Variants in CHCHD3 observed in about 807,000 individuals in gnomAD.
The protein encoded by CHCHD3 is MICOS complex subunit MIC19.
A neutral mutation model predicts 38.2 loss-of-function variants in CHCHD3; 20 were observed. That is an observed-to-expected ratio of 0.52 (90% CI 0.37 to 0.76). The LOEUF is 0.76. Ranked by LOEUF, CHCHD3 falls within the 30% of genes least tolerant of loss-of-function variation. The probability of loss-of-function intolerance (pLI) is 0.00; values close to 1 mark genes in which losing one functional copy is unlikely to be tolerated. For synonymous variants in CHCHD3, 82 were observed against 100.0 expected (o/e 0.82, Z 1.07); for missense variants, 245 against 279.2 (o/e 0.88, Z 0.87).
intron 2 of CHCHD3, among the ~76,000 whole-genome samples, chr7:133,061,933 G>A (rs1814530839): frequency 6.6e-6 from 1 of 152,096 alleles, no homozygotes; most frequent in Non-Finnish European, 1.5e-5. Context: ...AGTAGCCCTG[G>A]GGGCAGAGAA....
chr7:132,930,596 C>T (rs1469882303), intron 4 of CHCHD3, among the ~76,000 whole-genome samples: 1 of 152,158 alleles, frequency 6.6e-6, no homozygotes, highest in East Asian at 1.9e-4. Context: ...ACATTTCTAA[C>T]ATATTTCGCC....
intron 1 of CHCHD3, among the ~76,000 whole-genome samples, chr7:133,076,719 C>T (rs1815000745): frequency 6.6e-6 from 1 of 152,186 alleles, no homozygotes; most frequent in Non-Finnish European, 1.5e-5. Flanking sequence ...TTCTCAGAAA[C>T]AGGAGACTGG....
intron 4 of CHCHD3, among the ~76,000 whole-genome samples, chr7:132,913,780 T>C (rs764402153): frequency 1.3e-5 from 2 of 151,996 alleles, no homozygotes; most frequent in Non-Finnish European, 2.9e-5. Flanking sequence ...GCTTTTAAGA[T>C]AGACTGAAGA....
At chr7:132,816,283 T>G (rs182711671) in intron 6 of CHCHD3, among the ~76,000 whole-genome samples, 166 of 152,332 alleles carry the variant, frequency 1.1e-3, no homozygotes, top group African/African-American at 3.8e-3. Flanking sequence ...CATCTGGGCT[T>G]AGCAGTCTCT....
intron 2 of CHCHD3, chr7:133,034,647 T>A: frequency 1.2e-6 from 2 of 1,610,676 alleles, no homozygotes; most frequent in Non-Finnish European, 1.7e-6. Context: ...TTTGCCCACA[T>A]GCTGGAAGGC....
intron 4 of CHCHD3, among the ~76,000 whole-genome samples, chr7:132,903,634 T>C (rs1809724055): frequency 6.6e-6 from 1 of 152,204 alleles, no homozygotes; most frequent in Admixed American, 6.5e-5. Context: ...CGTTTGGTCT[T>C]GCCTTCTGGG....
intron 7 of CHCHD3, among the ~76,000 whole-genome samples, chr7:132,789,764 AC>A (rs1585515283): frequency 6.6e-6 from 1 of 152,120 alleles, no homozygotes; most frequent in Admixed American, 6.5e-5. Flanking sequence ...GGATGAACTT[AC>A]CCAGCGCCTC....
At position 132,838,309 on chromosome 7, in the gene CHCHD3, T is replaced by C. The variant is rs967730369; in HGVS notation, c.524+90A>G. 2.9e-5 allele frequency: 25 copies of C among 872,352 alleles called. 1 individual carries two copies. The highest frequency in any genetic ancestry group is 8.0e-5 in the East Asian group (3 of 37,332). The allele number at this position is 872,352 out of a possible 1,614,324, so 54.0% of individuals were successfully genotyped here. A position where few individuals can be genotyped will look rare whatever the true frequency, so the allele number is the denominator to read the frequency against. ...CTTCCAAGTATTCTAGAGTGCTATA[T>C]AACAAACTATGATCTGTGCAAAAAG... On this transcript the variant is annotated intron_variant, in intron 6 of 7. Transcript: ENST00000262570.
At chr7:132,884,233 T>C (rs983659085) in intron 5 of CHCHD3, among the ~76,000 whole-genome samples, 3 of 152,124 alleles carry the variant, frequency 2.0e-5, no homozygotes, top group Non-Finnish European at 2.9e-5. Context: ...GCTTCCCTAT[T>C]ACCATAGGCC....
intron 2 of CHCHD3, among the ~76,000 whole-genome samples, chr7:133,067,031 T>C (rs946969287): frequency 6.6e-6 from 1 of 152,230 alleles, no homozygotes; most frequent in African/African-American, 2.4e-5. Context: ...CTCATCTCCA[T>C]TGCTCACCAG....
At chr7:132,928,273 T>C (rs1472645020) in intron 4 of CHCHD3, among the ~76,000 whole-genome samples, 1 of 152,164 alleles carries the variant, frequency 6.6e-6, no homozygotes, top group East Asian at 1.9e-4. Context: ...AGGGGCCAAT[T>C]AACTTAGGGA....
intron 6 of CHCHD3, among the ~76,000 whole-genome samples, chr7:132,817,901 A>T (rs1585541080): frequency 1.4e-5 from 2 of 143,804 alleles, no homozygotes; most frequent in African/African-American, 4.9e-5. Context: ...CAAAAAAAAA[A>T]TAAAAATAAA....
At chr7:132,864,134 C>T (rs1419399541) in intron 5 of CHCHD3, among the ~76,000 whole-genome samples, 1 of 152,214 alleles carries the variant, frequency 6.6e-6, no homozygotes, top group Non-Finnish European at 1.5e-5. Context: ...AGGCTTTGCA[C>T]ATATCCTTCT....
intron 4 of CHCHD3, among the ~76,000 whole-genome samples, chr7:132,934,066 G>A (rs1226896459): frequency 2.6e-5 from 4 of 152,196 alleles, no homozygotes; most frequent in Admixed American, 2.6e-4. Flanking sequence ...TTCACTGGGA[G>A]GGACTTACTG....
chr7:132,801,759 A>T (rs1806800221), intron 6 of CHCHD3, among the ~76,000 whole-genome samples: 1 of 152,262 alleles, frequency 6.6e-6, no homozygotes, highest in Non-Finnish European at 1.5e-5. Flanking sequence ...GAGCATATAA[A>T]ATTCTATCCT....
chr7:132,923,230 A>T (rs1279406547), intron 4 of CHCHD3, among the ~76,000 whole-genome samples: 1 of 152,204 alleles, frequency 6.6e-6, no homozygotes, highest in Non-Finnish European at 1.5e-5. Context: ...TTTTTAATTT[A>T]GATTCAAAAA....
chr7:132,972,435 C>G (rs577473608), intron 4 of CHCHD3: 1 of 389,366 alleles, frequency 2.6e-6, no homozygotes, highest in East Asian at 1.6e-4. Flanking sequence ...AATATAAACA[C>G]AACAAACCAA....
At chr7:133,000,860 A>G (rs1812551757) in intron 3 of CHCHD3, among the ~76,000 whole-genome samples, 2 of 152,180 alleles carry the variant, frequency 1.3e-5, no homozygotes, top group Admixed American at 6.5e-5. Flanking sequence ...GACCAACCAC[A>G]CTTCAAGTGT....
intron 7 of CHCHD3, among the ~76,000 whole-genome samples, chr7:132,794,627 A>G (rs1156680216): frequency 2.6e-5 from 4 of 152,218 alleles, no homozygotes; most frequent in Admixed American, 6.5e-5. Flanking sequence ...CACGAAAACA[A>G]TAGATACTCC....
Sources: gnomAD v4.1 joint callset for allele counts (sites outside exome capture counted in the v4.1 genomes callset) on GRCh38, gnomAD v4.1.1 for gene constraint, MANE v1.5 for transcripts, NCBI Gene and HGNC (gene_info 2026-07-23, HGNC 2026-07-21) for gene names.